Variants in ADRA1D observed in about 807,000 individuals in gnomAD.
ADRA1D encodes the protein alpha-1D adrenergic receptor.
Under a neutral mutation model 18.6 loss-of-function variants are expected in ADRA1D, and 22 were observed. The ratio of observed to expected loss-of-function variants is 1.19; its 90% CI spans 0.85 to 1.69. The LOEUF is 1.69. Among genes scored for constraint, ADRA1D ranks in the 40% most tolerant of loss-of-function variants. The probability of loss-of-function intolerance (pLI) is 0.00; values close to 1 mark genes in which losing one functional copy is unlikely to be tolerated. For synonymous variants in ADRA1D, 376 were observed against 388.2 expected (o/e 0.97, Z 0.37); for missense variants, 840 against 840.7 (o/e 1.00, Z 0.01).
chr20:4,244,956 G>C (rs1981300092), intron 1 of ADRA1D, among the ~76,000 whole-genome samples: 2 of 152,272 alleles, frequency 1.3e-5, no homozygotes, highest in South Asian at 4.1e-4. Context: ...CAGACCATTA[G>C]GAAGGAGGAT....
In ADRA1D at chr20:4,227,651, T is replaced by TTTCCTTCCTTCCCTCCTTCC. The variant is rs1555820719; in HGVS notation, c.1112-5541_1112-5522dup. On this transcript the variant is annotated intron_variant, in intron 1 of 1. Coordinates refer to ENST00000379453, the MANE Select transcript of ADRA1D (RefSeq NM_000678.4). The stretch of plus-strand genomic sequence containing the variant: ...TCGTTGTCTACCTGCAGTGCCTTTC[T>TTTCCTTCCTTCCCTCCTTCC]TTCCTTCCTTCCCTCCTTCCTTCCT... Among the ~76,000 whole-genome samples the TTTCCTTCCTTCCCTCCTTCC allele has an allele frequency of 3.3e-3, 481 of 144,696 alleles. 7 individuals carry two copies. The highest frequency in any genetic ancestry group is 5.5e-3 in the Non-Finnish European group (355 of 64,666). 94.9% of individuals were successfully genotyped at this position (144,696 alleles called of 152,430 possible).
At chr20:4,246,860 G>A (rs984215968) in intron 1 of ADRA1D, among the ~76,000 whole-genome samples, 2 of 152,186 alleles carry the variant, frequency 1.3e-5, no homozygotes, top group Non-Finnish European at 2.9e-5. Context: ...AAGGGCTTCC[G>A]GGGGCACAGG....
At chr20:4,228,549 A>T (rs1187420241) in intron 1 of ADRA1D, among the ~76,000 whole-genome samples, 1 of 152,228 alleles carries the variant, frequency 6.6e-6, no homozygotes, top group Non-Finnish European at 1.5e-5. Flanking sequence ...TTTAGCCTTA[A>T]ATGGTGAAAT....
In ADRA1D at chr20:4,248,279, C is replaced by CCA; in HGVS notation, c.677_678dup (p.Val227TrpfsTer4). ...CAGCCCAGCAGGGGCCCTACGGACA[C>CCA]CACCAGGGCTACGACCCAGAGCAGG... is the stretch of plus-strand genomic sequence containing the variant. On this transcript the variant is annotated frameshift_variant, in exon 1 of 2. Coordinates refer to ENST00000379453, the MANE Select transcript of ADRA1D (RefSeq NM_000678.4). LOFTEE classifies it high-confidence loss of function. 6.2e-7 allele frequency: 1 copy of CCA among 1,608,618 alleles called. No homozygotes were observed. Among genetic ancestry groups the CCA allele is most frequent in the Non-Finnish European group, 8.5e-7 (1 of 1,177,816 alleles).
intron 1 of ADRA1D, among the ~76,000 whole-genome samples, chr20:4,240,176 C>T (rs1370086755): frequency 1.3e-5 from 2 of 152,120 alleles, no homozygotes; most frequent in South Asian, 2.1e-4. Context: ...CAGGATACAC[C>T]TGGGGACAAT....
intron 1 of ADRA1D, among the ~76,000 whole-genome samples, chr20:4,242,964 A>T (rs1165887448): frequency 6.6e-6 from 1 of 152,058 alleles, no homozygotes; most frequent in East Asian, 1.9e-4. Context: ...AAACGCAGTG[A>T]GATGCTGCCG....
At chr20:4,223,468 G>A (rs990893965) in intron 1 of ADRA1D, among the ~76,000 whole-genome samples, 1 of 152,186 alleles carries the variant, frequency 6.6e-6, no homozygotes, top group Non-Finnish European at 1.5e-5. Flanking sequence ...TCCCTGCCAG[G>A]TGCTGTGCTG....
chr20:4,240,862 A>G (rs1466522176), intron 1 of ADRA1D, among the ~76,000 whole-genome samples: 1 of 152,164 alleles, frequency 6.6e-6, no homozygotes, highest in Non-Finnish European at 1.5e-5. Flanking sequence ...GAAAGAATCT[A>G]GGTTAGCTTT....
rs1980659783 is a variant in ADRA1D at position 4,221,483 on chromosome 20, C to G, written c.*40G>C. On this transcript the variant is annotated 3_prime_UTR_variant, in exon 2 of 2. Transcript: ENST00000379453. Reference sequence around the variant, plus strand: ...AGCCCGCCTCTCTGGTCCCCCTTACCCCCAAGCCCAGCACACTCCGCGGCC... The same window carrying G: ...AGCCCGCCTCTCTGGTCCCCCTTACGCCCAAGCCCAGCACACTCCGCGGCC... 3.2e-6 allele frequency: 5 copies of G among 1,566,722 alleles called. No individual in the cohort carries two copies. The highest frequency in any genetic ancestry group is 4.3e-6 in the Non-Finnish European group (5 of 1,152,550).
rs1204592340 is a variant in ADRA1D at position 4,239,099 on chromosome 20, C to G, written c.1111+8748G>C. Among the ~76,000 whole-genome samples, 1 of 151,924 alleles carries G rather than the reference C, an allele frequency of 6.6e-6. No individual in the cohort carries two copies. The highest frequency in any genetic ancestry group is 2.4e-5 in the African/African-American group (1 of 41,364). ...GGGAGAGTAAAATGGGCACATGGAC[C>G]AGGGCATAGGCCTTGGAGGAGGGGA... is the stretch of plus-strand genomic sequence containing the variant. On this transcript the variant is annotated intron_variant, in intron 1 of 1. Coordinates refer to ENST00000379453, the MANE Select transcript of ADRA1D (RefSeq NM_000678.4). The surrounding 1 kb of genome is among the most constrained non-coding windows in gnomAD (Gnocchi z 4.9).
At chr20:4,246,167 T>C (rs1447574577) in intron 1 of ADRA1D, among the ~76,000 whole-genome samples, 3 of 152,118 alleles carry the variant, frequency 2.0e-5, no homozygotes, top group Non-Finnish European at 4.4e-5. Flanking sequence ...GCTCCCCACA[T>C]ACCAGGCCCA....
intron 1 of ADRA1D, among the ~76,000 whole-genome samples, chr20:4,245,618 T>C (rs1981318150): frequency 6.6e-6 from 1 of 152,102 alleles, no homozygotes; most frequent in African/African-American, 2.4e-5. Flanking sequence ...TGCATTAAGC[T>C]AAAATTTTAA....
intron 1 of ADRA1D, among the ~76,000 whole-genome samples, chr20:4,238,215 T>C (rs1981141443): frequency 6.6e-6 from 1 of 151,786 alleles, no homozygotes; most frequent in African/African-American, 2.4e-5. Flanking sequence ...ATCATGCCAC[T>C]GCACTCCAAC....
Position 4,248,085 on chromosome 20 carries a change from G to A in ADRA1D, c.873C>T (p.Gly291=), listed in dbSNP as rs757337109. 5.2e-6 allele frequency: 8 copies of A among 1,552,624 alleles called. No homozygotes were observed. Among genetic ancestry groups the A allele is most frequent in the African/African-American group, 2.7e-5 (2 of 73,222 alleles). The change falls in exon 1 of 2, where the codon GGC becomes GGT. Residue 291 remains glycine, a synonymous_variant. Transcript: ENST00000379453. ...AGGCCTTGCCTCGCTCGCGCTTGAC[G>A]CCCGCCTCGAGGCTGCGCGTGGTGC... The part of the protein sequence containing the change: ...ARSTTRSLEA[G]VKRERGKASE...
At chr20:4,244,497 C>G (rs2122677736) in intron 1 of ADRA1D, among the ~76,000 whole-genome samples, 1 of 152,334 alleles carries the variant, frequency 6.6e-6, no homozygotes, top group South Asian at 2.1e-4. Flanking sequence ...CTCCATGCTC[C>G]TGCAACCATC....
chr20:4,224,102 A>C (rs1051319017), intron 1 of ADRA1D, among the ~76,000 whole-genome samples: 2 of 152,186 alleles, frequency 1.3e-5, no homozygotes, highest in Non-Finnish European at 1.5e-5. Context: ...TAAACTCAGA[A>C]AATCTCTTTT....
intron 1 of ADRA1D, among the ~76,000 whole-genome samples, chr20:4,229,242 T>C (rs1274428950): frequency 6.6e-6 from 1 of 152,184 alleles, no homozygotes; most frequent in Non-Finnish European, 1.5e-5. Context: ...TCCAGACTCA[T>C]AGATCCAGCT....
At chr20:4,234,874 C>T (rs1394174406) in intron 1 of ADRA1D, among the ~76,000 whole-genome samples, 2 of 152,138 alleles carry the variant, frequency 1.3e-5, no homozygotes, top group Non-Finnish European at 2.9e-5. Context: ...CAGCAGGGTA[C>T]CTGACAAGTT....
At chr20:4,224,993 GTTTTTTTTTTT>G (rs562415272) in intron 1 of ADRA1D, among the ~76,000 whole-genome samples, 1 of 120,094 alleles carries the variant, frequency 8.3e-6, no homozygotes, top group Admixed American at 9.1e-5. Context: ...GGCCATCTAA[GTTTTTTTTTTT>G]TTTTTTTTTT....
Sources: gnomAD v4.1 joint callset for allele counts (sites outside exome capture counted in the v4.1 genomes callset) on GRCh38, gnomAD v4.1.1 for gene constraint, Gnocchi (gnomAD v3.1) non-coding constraint, MANE v1.5 for transcripts, NCBI Gene and HGNC (gene_info 2026-07-23, HGNC 2026-07-21) for gene names.